WNT5A: variants seen among roughly 807,000 people sequenced by gnomAD.
WNT5A encodes protein Wnt-5a.
WNT5A carries 9 observed loss-of-function variants against 42.1 expected under a neutral mutation model. That is an observed-to-expected ratio of 0.21 (90% confidence interval 0.13 to 0.37). WNT5A has a LOEUF of 0.37. Among genes scored for constraint, WNT5A ranks in the 10% least tolerant of loss-of-function variants. The probability of loss-of-function intolerance (pLI) is 1.00; values close to 1 mark genes in which losing one functional copy is unlikely to be tolerated. For synonymous variants in WNT5A, 210 were observed against 210.0 expected (o/e 1.00, Z 0.00); for missense variants, 426 against 534.0 (o/e 0.80, Z 1.99).
At chr3:55,501,053 CT>C in the WNT5A span, among the ~76,000 whole-genome samples, 1 of 152,156 alleles carries the variant, frequency 6.6e-6, no homozygotes, top group African/African-American at 2.4e-5. Context: ...ATTATTATCA[CT>C]TTCAAGATAG....
the WNT5A span, among the ~76,000 whole-genome samples, chr3:55,498,220 C>T: frequency 7.9e-5 from 12 of 152,172 alleles, no homozygotes; most frequent in Admixed American, 3.3e-4. Flanking sequence ...AGCCTTAAGA[C>T]CATGTTCATA....
At chr3:55,499,845 T>A in the WNT5A span, among the ~76,000 whole-genome samples, 1 of 151,956 alleles carries the variant, frequency 6.6e-6, no homozygotes, top group Non-Finnish European at 1.5e-5. Context: ...CTTGGTGGCA[T>A]GCGCCTGTAG....
chr3:55,497,142 C>T, the WNT5A span, among the ~76,000 whole-genome samples: 4 of 152,312 alleles, frequency 2.6e-5, no homozygotes, highest in South Asian at 6.2e-4. Context: ...CAGACTTGAA[C>T]AGGATCTAGA....
chr3:55,493,430 GCTGT>G (rs1487059047), upstream of WNT5A, among the ~76,000 whole-genome samples: 1 of 152,198 alleles, frequency 6.6e-6, no homozygotes, highest in African/African-American at 2.4e-5. Context: ...CAAAGAAGCT[GCTGT>G]CTTTTCCCCA....
upstream of WNT5A, among the ~76,000 whole-genome samples, chr3:55,490,864 G>A (rs1300564646): frequency 6.6e-6 from 1 of 152,190 alleles, no homozygotes; most frequent in African/African-American, 2.4e-5. Flanking sequence ...CAAATTAATA[G>A]CAATATGCCC....
upstream of WNT5A, among the ~76,000 whole-genome samples, chr3:55,491,413 A>T (rs181154232): frequency 3.5e-4 from 53 of 152,340 alleles, no homozygotes; most frequent in South Asian, 4.1e-4. Context: ...TCATCCGAAG[A>T]TATACTGGCA....
At chr3:55,502,585 T>C in the WNT5A span, among the ~76,000 whole-genome samples, 1 of 152,210 alleles carries the variant, frequency 6.6e-6, no homozygotes, top group Non-Finnish European at 1.5e-5. Context: ...TTATAATGTC[T>C]TGATATTTCC....
intron 3 of WNT5A, among the ~76,000 whole-genome samples, chr3:55,477,158 C>T (rs2051372478): frequency 6.6e-6 from 1 of 152,152 alleles, no homozygotes; most frequent in African/African-American, 2.4e-5. Flanking sequence ...CACACACACA[C>T]CTTTTGGCAT....
chr3:55,478,613 A>G (rs1042727257), intron 3 of WNT5A, among the ~76,000 whole-genome samples: 3 of 152,202 alleles, frequency 2.0e-5, no homozygotes, highest in African/African-American at 7.2e-5. Flanking sequence ...ATCTCTTTGA[A>G]TGGGGAAGTA....
At chr3:55,498,829 C>T in the WNT5A span, among the ~76,000 whole-genome samples, 1 of 152,060 alleles carries the variant, frequency 6.6e-6, no homozygotes, top group Admixed American at 6.6e-5. Context: ...AAATTTTTAA[C>T]CTGTTTGGCT....
Position 55,483,653 on chromosome 3 carries a change from T to G in WNT5A, c.7-2735A>C, listed in dbSNP as rs2051512715. Among the ~76,000 whole-genome samples the G allele has an allele frequency of 6.6e-6, 1 of 152,132 alleles. No homozygotes were observed. Among genetic ancestry groups the G allele is most frequent in the Non-Finnish European group, 1.5e-5 (1 of 68,022 alleles). On this transcript the variant is annotated intron_variant, in intron 1 of 4. Transcript: ENST00000264634. This position sits in a 1 kb window ranked among gnomAD's most constrained non-coding sequence, Gnocchi z 4.2. ...CCTCGCGTGCCACGGGGAGGAGGAC[T>G]GGGGGCGTTTGAGGGGCTCAGCGCA...
chr3:55,482,669 A>C (rs1174842568), intron 1 of WNT5A, among the ~76,000 whole-genome samples: 1 of 152,180 alleles, frequency 6.6e-6, no homozygotes, highest in Non-Finnish European at 1.5e-5. Flanking sequence ...CCCAAGGCCC[A>C]GTTGTCCCCA....
intron 3 of WNT5A, among the ~76,000 whole-genome samples, chr3:55,475,834 A>T (rs533147235): frequency 1.3e-5 from 2 of 152,296 alleles, no homozygotes; most frequent in East Asian, 3.9e-4. Context: ...TCGCTTGTAC[A>T]TGGAGACATT....
chr3:55,497,172 G>A, the WNT5A span, among the ~76,000 whole-genome samples: 7 of 152,188 alleles, frequency 4.6e-5, no homozygotes, highest in African/African-American at 1.7e-4. Context: ...CAAATGCATG[G>A]GTGAGGTGGG....
chr3:55,485,763 A>T (rs2051566506), intron 1 of WNT5A, among the ~76,000 whole-genome samples: 1 of 152,164 alleles, frequency 6.6e-6, no homozygotes, highest in South Asian at 2.1e-4. Flanking sequence ...GAGAGAAAAG[A>T]GAGGCGAGAG....
chr3:55,484,909 G>A (rs1018356113), intron 1 of WNT5A, among the ~76,000 whole-genome samples: 9 of 152,282 alleles, frequency 5.9e-5, no homozygotes, highest in Admixed American at 5.9e-4. Context: ...GGCGAAAAGC[G>A]GGAAAGCAAC....
chr3:55,486,354 G>C (rs964127539), intron 1 of WNT5A, among the ~76,000 whole-genome samples: 2 of 152,184 alleles, frequency 1.3e-5, no homozygotes, highest in African/African-American at 4.8e-5. Context: ...CCCCGCGCCG[G>C]GGTGCGCGCT....
At chr3:55,486,297 T>C (rs907329675) in intron 1 of WNT5A, among the ~76,000 whole-genome samples, 2 of 152,148 alleles carry the variant, frequency 1.3e-5, no homozygotes, top group African/African-American at 4.8e-5. Context: ...GCAAAGTGCC[T>C]GAGCTCACCC....
chr3:55,471,724 T>C (rs1197990624), intron 4 of WNT5A, among the ~76,000 whole-genome samples: 2 of 152,226 alleles, frequency 1.3e-5, no homozygotes, highest in African/African-American at 4.8e-5. Context: ...CCCAGCAGTC[T>C]GGGAGGTGGT....
Sources: allele counts gnomAD v4.1 joint callset (sites outside exome capture counted in the v4.1 genomes callset), GRCh38; gene constraint gnomAD v4.1.1; non-coding constraint Gnocchi (gnomAD v3.1); transcripts MANE v1.5; gene names NCBI Gene and HGNC (gene_info 2026-07-23, HGNC 2026-07-21).